Variants in IL1RAPL1 observed in about 807,000 individuals in gnomAD.
IL1RAPL1 encodes interleukin-1 receptor accessory protein-like 1.
IL1RAPL1 carries 3 observed loss-of-function variants against 48.4 expected under a neutral mutation model. The observed-to-expected ratio is 0.06, with a 90% CI of 0.03 to 0.16. IL1RAPL1 has a LOEUF of 0.16. Ranked by LOEUF, IL1RAPL1 falls within the 10% of genes least tolerant of loss-of-function variation. The probability of loss-of-function intolerance (pLI) is 1.00; values close to 1 mark genes in which losing one functional copy is unlikely to be tolerated. For missense variants in IL1RAPL1, 349 were observed against 530.6 expected, an observed-to-expected ratio of 0.66 and a Z score of 3.36; for synonymous variants, 185 against 187.7, an observed-to-expected ratio of 0.99 and a Z score of 0.12.
intron 5 of IL1RAPL1, among the ~76,000 whole-genome samples, chrX:29,581,961 T>C (rs970040993): frequency 9.0e-6 from 1 of 111,731 alleles, no homozygotes; most frequent in Non-Finnish European, 1.9e-5. Context: ...AATTTTAGGG[T>C]TGGTCTTGCA....
intron 1 of IL1RAPL1, among the ~76,000 whole-genome samples, chrX:28,603,561 G>A (rs1934050373): frequency 9.0e-6 from 1 of 111,636 alleles, no homozygotes; most frequent in African/African-American, 3.3e-5. Flanking sequence ...TTTAGTATAA[G>A]GCTGAGAGGA....
intron 5 of IL1RAPL1, among the ~76,000 whole-genome samples, chrX:29,462,006 A>G (rs934820267): frequency 2.7e-5 from 3 of 112,214 alleles, no homozygotes; most frequent in African/African-American, 9.7e-5. Flanking sequence ...GAATTTTATT[A>G]TTATATGTAA....
At chrX:29,426,739 C>G (rs1934354725) in intron 5 of IL1RAPL1, among the ~76,000 whole-genome samples, 1 of 110,947 alleles carries the variant, frequency 9.0e-6, no homozygotes, top group Admixed American at 9.6e-5. Context: ...ATTATGATGA[C>G]AATGAAATCA....
At chrX:28,838,031 T>C (rs1476945213) in intron 2 of IL1RAPL1, among the ~76,000 whole-genome samples, 1 of 110,969 alleles carries the variant, frequency 9.0e-6, no homozygotes, top group Non-Finnish European at 1.9e-5. Flanking sequence ...TGAGTGTTCA[T>C]GGATTCATGT....
chrX:29,390,757 A>G (rs902836805), intron 3 of IL1RAPL1, among the ~76,000 whole-genome samples: 1 of 112,355 alleles, frequency 8.9e-6, no homozygotes, highest in Non-Finnish European at 1.9e-5. Context: ...TGAATCAGTG[A>G]TATACAAAAT....
At chrX:29,294,046 A>T (rs1235251625) in intron 3 of IL1RAPL1, among the ~76,000 whole-genome samples, 1 of 110,275 alleles carries the variant, frequency 9.1e-6, no homozygotes, top group African/African-American at 3.3e-5. Context: ...GTAAAAAAAA[A>T]AAAATAAATG....
chrX:28,617,700 G>A (rs1483459546), intron 1 of IL1RAPL1, among the ~76,000 whole-genome samples: 1 of 112,231 alleles, frequency 8.9e-6, no homozygotes, highest in Non-Finnish European at 1.9e-5. Flanking sequence ...AATGATTATA[G>A]GCACAGCCTT....
At chrX:29,807,621 C>CCAA (rs1930284771) in intron 6 of IL1RAPL1, among the ~76,000 whole-genome samples, 1 of 26,034 alleles carries the variant, frequency 3.8e-5, no homozygotes, top group African/African-American at 1.2e-4. Context: ...TCTCTCAAGA[C>CCAA]AAAAAAAAAA....
intron 5 of IL1RAPL1, among the ~76,000 whole-genome samples, chrX:29,520,227 A>G (rs1014892996): frequency 1.8e-5 from 2 of 112,144 alleles, no homozygotes; most frequent in African/African-American, 6.5e-5. Context: ...TTTGTCACTA[A>G]CACTGCCAAT....
intron 3 of IL1RAPL1, among the ~76,000 whole-genome samples, chrX:29,323,713 T>A (rs5943640): frequency 0.12 from 1,267 of 10,908 alleles, 222 homozygotes; most frequent in African/African-American, 0.37. Context: ...ACTGAATTTT[T>A]TATATATATA....
At chrX:28,898,587 G>A (rs5985928) in intron 2 of IL1RAPL1, among the ~76,000 whole-genome samples, 3 of 109,268 alleles carry the variant, frequency 2.7e-5, no homozygotes, top group Non-Finnish European at 5.7e-5. Flanking sequence ...TGTGCCTGGC[G>A]AATTTCATTA....
rs1017198604 is a variant in IL1RAPL1 at position 29,931,222 on chromosome X, G to A, written c.1058-10429G>A. Among the ~76,000 whole-genome samples the A allele has an allele frequency of 2.7e-5, 3 of 110,978 alleles. No homozygotes were observed. The Admixed American group carries it at 2.9e-4, about 11-fold the overall frequency. ...TCTTGAAAGCATCTCTTTACAAAAT[G>A]AGAAAGAAAGGCAAATTTACCACTA... On this transcript the variant is annotated intron_variant, in intron 8 of 10. Coordinates refer to ENST00000378993, the MANE Select transcript of IL1RAPL1 (RefSeq NM_014271.4).
intron 5 of IL1RAPL1, among the ~76,000 whole-genome samples, chrX:29,640,735 C>G (rs1925139700): frequency 8.9e-6 from 1 of 112,370 alleles, no homozygotes; most frequent in African/African-American, 3.2e-5. Context: ...TAATCCAAAC[C>G]AATGACAAAT....
intron 2 of IL1RAPL1, among the ~76,000 whole-genome samples, chrX:28,865,762 A>C (rs1180846522): frequency 8.9e-6 from 1 of 112,048 alleles, no homozygotes; most frequent in Non-Finnish European, 1.9e-5. Context: ...GTTACAAGGA[A>C]AGCTAGGAAA....
chrX:28,676,713 A>G (rs1935001666), intron 1 of IL1RAPL1, among the ~76,000 whole-genome samples: 1 of 105,857 alleles, frequency 9.4e-6, no homozygotes, highest in African/African-American at 3.4e-5. Context: ...AGCCTGGGTG[A>G]CAGCCTGAGA....
At chrX:29,310,738 T>C (rs1161804161) in intron 3 of IL1RAPL1, among the ~76,000 whole-genome samples, 1 of 112,365 alleles carries the variant, frequency 8.9e-6, no homozygotes. Context: ...TAATGCTCTT[T>C]CTAAATTTTC....
intron 2 of IL1RAPL1, among the ~76,000 whole-genome samples, chrX:29,001,875 G>A: frequency 9.3e-6 from 1 of 107,860 alleles, no homozygotes; most frequent in Non-Finnish European, 1.9e-5. Flanking sequence ...AAGAAATTGT[G>A]GTAAATTCAC....
chrX:29,485,466 C>T (rs1034382253), intron 5 of IL1RAPL1, among the ~76,000 whole-genome samples: 9 of 111,424 alleles, frequency 8.1e-5, no homozygotes, highest in Admixed American at 2.9e-4. Flanking sequence ...GTATGTAGTA[C>T]TATTCTTCCT....
At chrX:29,339,077 C>CAT (rs566557464) in intron 3 of IL1RAPL1, among the ~76,000 whole-genome samples, 1 of 90,613 alleles carries the variant, frequency 1.1e-5, no homozygotes, top group Non-Finnish European at 2.1e-5. Flanking sequence ...TGGGTAAATA[C>CAT]ACACACACAC....
Sources: allele counts gnomAD v4.1 joint callset (sites outside exome capture counted in the v4.1 genomes callset), GRCh38; gene constraint gnomAD v4.1.1; transcripts MANE v1.5; gene names NCBI Gene and HGNC (gene_info 2026-07-23, HGNC 2026-07-21).